TTLL5: variants seen among roughly 807,000 people sequenced by gnomAD.
TTLL5 encodes tubulin tyrosine ligase like 5.
In TTLL5, 132 loss-of-function variants were observed where a neutral mutation model predicts 168.4. The ratio of observed to expected loss-of-function variants is 0.78; its 90% CI spans 0.68 to 0.91. The LOEUF (loss-of-function observed/expected upper bound fraction) is 0.91. TTLL5 is among the 40% of genes least tolerant of loss of function. TTLL5 has a pLI of 0.00. For synonymous variants in TTLL5, 546 were observed against 558.6 expected, an observed-to-expected ratio of 0.98 and a Z score of 0.32; for missense variants, 1,545 against 1,581.5, an observed-to-expected ratio of 0.98 and a Z score of 0.39.
intron 27 of TTLL5, among the ~76,000 whole-genome samples, chr14:75,808,516 T>C (rs1369357037): frequency 1.3e-5 from 2 of 152,226 alleles, no homozygotes; most frequent in Non-Finnish European, 2.9e-5. Flanking sequence ...GATAGTTCTT[T>C]TCATTTTTCT....
At chr14:75,724,146 T>C (rs1288112855) in intron 12 of TTLL5, among the ~76,000 whole-genome samples, 2 of 152,192 alleles carry the variant, frequency 1.3e-5, no homozygotes, top group Non-Finnish European at 2.9e-5. Context: ...CTATATTCTT[T>C]TGGTGGTTGT....
intron 5 of TTLL5, among the ~76,000 whole-genome samples, chr14:75,685,375 CAA>C (rs34567697): frequency 4.5e-4 from 31 of 68,618 alleles, no homozygotes; most frequent in Non-Finnish European, 6.0e-4. Context: ...GACTCTGTCT[CAA>C]AAAAAAAAAA....
intron 9 of TTLL5, among the ~76,000 whole-genome samples, chr14:75,715,806 ATT>A (rs201410772): frequency 2.0e-5 from 3 of 146,566 alleles, no homozygotes; most frequent in Non-Finnish European, 3.0e-5. Context: ...AAGAAACATG[ATT>A]TTTTTTTTTT....
intron 31 of TTLL5, among the ~76,000 whole-genome samples, chr14:75,905,110 C>G (rs2033091596): frequency 6.6e-6 from 1 of 152,124 alleles, no homozygotes; most frequent in Non-Finnish European, 1.5e-5. Context: ...TCTGTAAACC[C>G]ACAAGAAAGA....
At chr14:75,909,212 C>T (rs2033268741) in intron 31 of TTLL5, among the ~76,000 whole-genome samples, 1 of 149,466 alleles carries the variant, frequency 6.7e-6, no homozygotes, top group South Asian at 2.2e-4. Flanking sequence ...TGCAAACCAA[C>T]CAGTCCTGAG....
chr14:75,925,031 G>A (rs1244695177), intron 31 of TTLL5, among the ~76,000 whole-genome samples: 8 of 148,714 alleles, frequency 5.4e-5, no homozygotes, highest in Non-Finnish European at 1.2e-4. Context: ...TCCCAGTAGG[G>A]GCGGCCGGGC....
At chr14:75,813,848 T>C (rs1335319020) in intron 27 of TTLL5, among the ~76,000 whole-genome samples, 1 of 148,330 alleles carries the variant, frequency 6.7e-6, no homozygotes, top group Non-Finnish European at 1.5e-5. Flanking sequence ...AAAAAAGCTA[T>C]AGGTTTTCAA....
intron 31 of TTLL5, among the ~76,000 whole-genome samples, chr14:75,940,369 G>A (rs2034564325): frequency 1.3e-5 from 2 of 152,102 alleles, no homozygotes; most frequent in South Asian, 4.2e-4. Context: ...ATGAGCCACC[G>A]CGCCCGGCCG....
intron 2 of TTLL5, among the ~76,000 whole-genome samples, chr14:75,667,751 G>T (rs147495663): frequency 9.2e-4 from 82 of 89,052 alleles, no homozygotes; most frequent in South Asian, 1.3e-3. Context: ...ATCTTTTTAT[G>T]TTTTTTTTTT....
At position 75,785,177 on chromosome 14, in the gene TTLL5, T is replaced by C. The variant is rs1323172408; in HGVS notation, c.2986+1647T>C. On this transcript the variant is annotated intron_variant, in intron 26 of 31. Coordinates refer to ENST00000298832, the MANE Select transcript of TTLL5 (RefSeq NM_015072.5). ...ATCAAGTGTCACAGAGATTTCCTCC[T>C]TTTTTTTTTTTTTTTTTTTTTTGAG... Among the ~76,000 whole-genome samples, 9 of 82,522 alleles carry C rather than the reference T, an allele frequency of 1.1e-4. No homozygotes were observed. In the South Asian group the frequency reaches 3.5e-3, roughly 32 times the overall value. 54.1% of individuals were successfully genotyped at this position (82,522 alleles called of 152,430 possible).
chr14:75,821,066 G>C (rs541844406), intron 28 of TTLL5, among the ~76,000 whole-genome samples: 2 of 152,278 alleles, frequency 1.3e-5, no homozygotes, highest in African/African-American at 4.8e-5. Context: ...AGATTCAGAG[G>C]GGGTACTGAA....
chr14:75,945,904 C>T (rs1042892799), intron 31 of TTLL5, among the ~76,000 whole-genome samples: 20 of 152,170 alleles, frequency 1.3e-4, no homozygotes, highest in African/African-American at 4.8e-4. Flanking sequence ...GCTAACTTCT[C>T]AGCAGCAAAG....
chr14:75,936,354 CCTT>C (rs1238816514), intron 31 of TTLL5, among the ~76,000 whole-genome samples: 3 of 152,214 alleles, frequency 2.0e-5, no homozygotes, highest in Non-Finnish European at 4.4e-5. Flanking sequence ...ATCAGTTCTA[CCTT>C]CAAGTTTTTC....
At chr14:75,733,648 A>C (rs1007386077) in intron 13 of TTLL5, among the ~76,000 whole-genome samples, 10 of 152,174 alleles carry the variant, frequency 6.6e-5, no homozygotes, top group Non-Finnish European at 4.4e-5. Flanking sequence ...GAGCATACTG[A>C]AAATCTGAAC....
chr14:75,914,031 AAAATAT>A lies in TTLL5; in HGVS notation c.3823+11809_3823+11814del, dbSNP rs1222658497. 2.6e-4 allele frequency among the ~76,000 whole-genome samples: 20 copies of A among 77,334 alleles called. No homozygotes were observed. The Admixed American group carries it at 2.8e-3, about 11-fold the overall frequency. 50.7% of individuals were successfully genotyped at this position (77,334 alleles called of 152,430 possible). The stretch of plus-strand genomic sequence containing the variant: ...CTGTTTAAAAGGAAAAAAAAAAAAA[AAAATAT>A]ATATATATATATATATATTTTATCC... On this transcript the variant is annotated intron_variant, in intron 31 of 31. Transcript: ENST00000298832.
intron 3 of TTLL5, among the ~76,000 whole-genome samples, chr14:75,671,372 A>G (rs541111655): frequency 2.2e-4 from 33 of 152,332 alleles, no homozygotes; most frequent in Middle Eastern, 3.4e-3. Flanking sequence ...ATCTCTGGCC[A>G]TTCAGGGTCC....
intron 30 of TTLL5, among the ~76,000 whole-genome samples, chr14:75,885,858 A>G (rs2032088468): frequency 6.6e-6 from 1 of 152,240 alleles, no homozygotes; most frequent in South Asian, 2.1e-4. Context: ...AAGCACAAAT[A>G]CAGTGCCTGG....
intron 27 of TTLL5, among the ~76,000 whole-genome samples, chr14:75,818,128 G>C (rs189024670): frequency 6.6e-6 from 1 of 151,814 alleles, no homozygotes; most frequent in Admixed American, 6.6e-5. Flanking sequence ...GTGAGCCACC[G>C]TGCCCGGCCC....
At chr14:75,899,860 C>G (rs1055798396) in intron 30 of TTLL5, among the ~76,000 whole-genome samples, 3 of 151,918 alleles carry the variant, frequency 2.0e-5, no homozygotes, top group Non-Finnish European at 4.4e-5. Context: ...CCCAGGGACT[C>G]TTCTCATCCC....
Sources: allele counts gnomAD v4.1 joint callset (sites outside exome capture counted in the v4.1 genomes callset), GRCh38; gene constraint gnomAD v4.1.1; transcripts MANE v1.5; gene names NCBI Gene and HGNC (gene_info 2026-07-23, HGNC 2026-07-21).